The following DPCD variants were observed in gnomAD, a reference collection of about 807,000 sequenced individuals.
The protein encoded by DPCD is protein DPCD.
A neutral mutation model predicts 26.4 loss-of-function variants in DPCD; 20 were observed. The ratio of observed to expected loss-of-function variants is 0.76; its 90% confidence interval spans 0.53 to 1.10. The LOEUF (loss-of-function observed/expected upper bound fraction) is 1.10, where lower values mean the gene tolerates loss of function less well. Ranked by LOEUF, DPCD falls within the 50% of genes least tolerant of loss-of-function variation. The pLI is 0.00. For missense variants in DPCD, 202 were observed against 253.9 expected, an observed-to-expected ratio of 0.80 and a Z score of 1.39; for synonymous variants, 97 against 94.2, an observed-to-expected ratio of 1.03 and a Z score of -0.17.
rs1221384425 is a variant in DPCD at position 101,608,525 on chromosome 10, TC to T, written c.405-308del. On this transcript the variant is annotated intron_variant, in intron 4 of 5. Transcript: ENST00000370151. ...CAAGCTGCTTGAGCTATTTGTGTGT[TC>T]CAGGCTTCTTCTGCCTGTCTTTGGG... Among the ~76,000 whole-genome samples, 3 of 152,220 alleles carry T rather than the reference TC, an allele frequency of 2.0e-5. No individual in the cohort carries two copies. The East Asian group carries it at 5.8e-4, about 29-fold the overall frequency.
chr10:101,600,638 C>G lies in DPCD; in HGVS notation c.146-100C>G. The stretch of plus-strand genomic sequence containing the variant: ...CCCACTTTCATCTTGTGCTAGTTAC[C>G]TAGTGTGGTGCCGGTGATTCAGCAG... On this transcript the variant is annotated intron_variant, in intron 2 of 5. Coordinates refer to ENST00000370151, the MANE Select transcript of DPCD (RefSeq NM_015448.3). The surrounding 1 kb of genome is among the most constrained non-coding windows in gnomAD (Gnocchi z 4.7). The G allele has an allele frequency of 6.7e-7, 1 of 1,498,238 alleles. No homozygotes were observed. Among genetic ancestry groups the G allele is most frequent in the Non-Finnish European group, 8.9e-7 (1 of 1,118,210 alleles). The allele number at this position is 1,498,238 out of a possible 1,614,324, so 92.8% of individuals were successfully genotyped here.
In DPCD at chr10:101,600,225, G is replaced by T. The variant is rs1311749736; in HGVS notation, c.146-513G>T. Among the ~76,000 whole-genome samples the T allele has an allele frequency of 6.6e-6, 1 of 151,876 alleles. No individual in the cohort carries two copies. The highest frequency in any genetic ancestry group is 1.5e-5 in the Non-Finnish European group (1 of 67,990). On this transcript the variant is annotated intron_variant, in intron 2 of 5. Transcript: ENST00000370151. This position sits in a 1 kb window ranked among gnomAD's most constrained non-coding sequence, Gnocchi z 4.7. ...GCTTTTTTCTTTTTTTTTAAGCAAG[G>T]TATACCTGAAAAGAGTGAATTTCTA...
At chr10:101,594,795 C>A in intron 2 of DPCD, 57 bp downstream of exon 2, 1 of 1,516,850 alleles carries the variant, frequency 6.6e-7, no homozygotes, top group Non-Finnish European at 9.2e-7. Flanking sequence ...GACATAAGCA[C>A]AATGAACACT....
In DPCD at chr10:101,588,336, G is replaced by A; in HGVS notation, c.-1G>A. The A allele has an allele frequency of 6.2e-7, 1 of 1,600,492 alleles. No individual in the cohort carries two copies. Among genetic ancestry groups the A allele is most frequent in the Non-Finnish European group, 8.5e-7 (1 of 1,172,068 alleles). ...TGGGCGTGCTGCTTAGCAGGGGAAA[G>A]ATGGCGGTGACGGGCTGGTTGGAGA... On this transcript the variant is annotated 5_prime_UTR_variant, in exon 1 of 6. Transcript: ENST00000370151.
At chr10:101,596,728 T>C (rs1427065145) in intron 2 of DPCD, 1 of 152,196 alleles carries the variant, frequency 6.6e-6, no homozygotes, top group African/African-American at 2.4e-5. Context: ...CTCTCCATTA[T>C]TAATTTTTAA....
At chr10:101,601,092 G>A in intron 3 of DPCD, 111 bp from the exon 4 acceptor site, 2 of 1,530,842 alleles carry the variant, frequency 1.3e-6, no homozygotes, top group African/African-American at 1.4e-5. Context: ...CGTCAGAGGG[G>A]AGCAGTGGAG....
intron 1 of DPCD, among the ~76,000 whole-genome samples, chr10:101,593,098 C>T (rs2063624116): frequency 1.3e-5 from 2 of 151,990 alleles, no homozygotes; most frequent in African/African-American, 2.4e-5. Flanking sequence ...TTTGATAAGA[C>T]ATGTGAAATG....
In DPCD at chr10:101,600,696, C is replaced by T. The variant is rs756946398; in HGVS notation, c.146-42C>T. The T allele has an allele frequency of 2.5e-6, 4 of 1,601,506 alleles. No individual in the cohort carries two copies. The African/African-American group carries it at 4.0e-5, about 16-fold the overall frequency. On this transcript the variant is annotated intron_variant, in intron 2 of 5. Transcript: ENST00000370151. This position sits in a 1 kb window ranked among gnomAD's most constrained non-coding sequence, Gnocchi z 4.7. Reference sequence around the variant, plus strand: ...CAGAGACCCTCTCTTCACTCTCATCCTGATGCTTGCTTCTCATCCCGATGC... The same window carrying T: ...CAGAGACCCTCTCTTCACTCTCATCTTGATGCTTGCTTCTCATCCCGATGC...
intron 4 of DPCD, chr10:101,605,255 C>A (rs1248744104): frequency 6.5e-7 from 1 of 1,546,226 alleles, no homozygotes; most frequent in Non-Finnish European, 8.7e-7. Flanking sequence ...AGCAGCCCTG[C>A]TCCTGCCTTC....
chr10:101,595,589 C>T (rs374150860), intron 2 of DPCD, among the ~76,000 whole-genome samples: 2 of 152,300 alleles, frequency 1.3e-5, no homozygotes, highest in African/African-American at 4.8e-5. Context: ...ATTTCTTTTT[C>T]CTTTTTTCTG....
chr10:101,607,927 C>A (rs944538182), intron 4 of DPCD, among the ~76,000 whole-genome samples: 13 of 152,118 alleles, frequency 8.5e-5, no homozygotes, highest in African/African-American at 9.7e-5. Flanking sequence ...AGGATCAGAC[C>A]AAGGACAAGG....
chr10:101,607,126 A>ATGGTTCTGCTGGGCTGCTTCCCTCC (rs2063737984), intron 4 of DPCD, among the ~76,000 whole-genome samples: 2 of 152,132 alleles, frequency 1.3e-5, no homozygotes, highest in Non-Finnish European at 2.9e-5. Context: ...GCCTGGGGGA[A>ATGGTTCTGCTGGGCTGCTTCCCTCC]TGGTTCTGCT....
chr10:101,605,098 AGC>A (rs1228552501), intron 4 of DPCD: 2 of 1,550,298 alleles, frequency 1.3e-6, no homozygotes, highest in Admixed American at 2.0e-5. Context: ...GTTTGCCCAG[AGC>A]CTTGATGTTT....
chr10:101,602,489 G>A (rs2063705088), intron 4 of DPCD, among the ~76,000 whole-genome samples: 2 of 152,252 alleles, frequency 1.3e-5, no homozygotes, highest in African/African-American at 2.4e-5. Context: ...GATTATTGCT[G>A]TACATGCAGC....
intron 1 of DPCD, among the ~76,000 whole-genome samples, chr10:101,589,798 C>T (rs142534477): frequency 0.019 from 2,929 of 152,228 alleles, 35 homozygotes; most frequent in Non-Finnish European, 0.03. Context: ...GCAGGAGAAT[C>T]GCTTGAACCC....
chr10:101,609,614 A>T lies in DPCD; in HGVS notation c.*143A>T. The T allele has an allele frequency of 1.5e-6, 1 of 649,442 alleles. No homozygotes were observed. 40.2% of individuals were successfully genotyped at this position (649,442 alleles called of 1,614,324 possible). A position where few individuals can be genotyped will look rare whatever the true frequency, so the allele number is the denominator to read the frequency against. ...GGGCATGGGGCACTCCTAGCCAGTG[A>T]GTCATGGTCATATTTCCTGAGTAAA... On this transcript the variant is annotated 3_prime_UTR_variant, in exon 6 of 6. Transcript: ENST00000370151.
intron 2 of DPCD, among the ~76,000 whole-genome samples, chr10:101,595,505 G>T (rs2134759952): frequency 6.6e-6 from 1 of 152,266 alleles, no homozygotes; most frequent in Middle Eastern, 3.4e-3. Context: ...ATCACAGGCT[G>T]GTTTATTTTC....
At chr10:101,593,009 T>TCAAAAAAAAAAACC (rs2063623216) in intron 1 of DPCD, among the ~76,000 whole-genome samples, 3 of 147,272 alleles carry the variant, frequency 2.0e-5, no homozygotes, top group African/African-American at 7.6e-5. Flanking sequence ...CGAGACTCTG[T>TCAAAAAAAAAAACC]CAAAAAAAAA....
At chr10:101,596,654 C>G (rs12784408) in intron 2 of DPCD, 40,429 of 152,072 alleles carry the variant, frequency 0.27, 6,468 homozygotes, top group South Asian at 0.39. Context: ...CTGGGCCCAG[C>G]TCTAGAACAG....
Sources: gnomAD v4.1 joint callset for allele counts (sites outside exome capture counted in the v4.1 genomes callset) on GRCh38, gnomAD v4.1.1 for gene constraint, Gnocchi (gnomAD v3.1) non-coding constraint, MANE v1.5 for transcripts, NCBI Gene and HGNC (gene_info 2026-07-23, HGNC 2026-07-21) for gene names.